AGAP1: variants seen among roughly 807,000 people sequenced by gnomAD.
The protein encoded by AGAP1 is ArfGAP with GTPase domain, ankyrin repeat and PH domain 1, also known as arf-GAP with GTPase, ANK repeat and PH domain-containing protein 1.
A neutral mutation model predicts 105.3 loss-of-function variants in AGAP1; 29 were observed. That is an observed-to-expected ratio of 0.28 (90% CI 0.21 to 0.38). AGAP1 has a LOEUF of 0.38. AGAP1 is among the 10% of genes least tolerant of loss of function. The pLI is 1.00. For synonymous variants in AGAP1, 509 were observed against 485.9 expected (o/e 1.05, Z -0.63); for missense variants, 998 against 1,165.1 (o/e 0.86, Z 2.09).
intron 12 of AGAP1, among the ~76,000 whole-genome samples, chr2:235,932,198 G>A (rs2052757863): frequency 1.3e-5 from 2 of 152,216 alleles, no homozygotes; most frequent in Admixed American, 1.3e-4. Flanking sequence ...CCCTGTGTGT[G>A]CTGCAGCTGA....
chr2:236,008,833 C>T (rs1425772210), intron 13 of AGAP1, among the ~76,000 whole-genome samples: 1 of 152,178 alleles, frequency 6.6e-6, no homozygotes, highest in Non-Finnish European at 1.5e-5. Flanking sequence ...TGTTGGAAAC[C>T]AGATTAAAAT....
chr2:235,557,912 A>G lies in AGAP1; in HGVS notation c.163+63063A>G, dbSNP rs1460736867. On this transcript the variant is annotated intron_variant, in intron 1 of 17. Transcript: ENST00000304032. This position sits in a 1 kb window ranked among gnomAD's most constrained non-coding sequence, Gnocchi z 4.7. Reference sequence around the variant, plus strand: ...TTGGTGCTTTCTTGAGCCCTGCGCCATGTGAGTGAGGTTTTGTGGTCCTGG... The same window carrying G: ...TTGGTGCTTTCTTGAGCCCTGCGCCGTGTGAGTGAGGTTTTGTGGTCCTGG... Among the ~76,000 whole-genome samples the G allele has an allele frequency of 6.6e-6, 1 of 152,202 alleles. No individual in the cohort carries two copies. The highest frequency in any genetic ancestry group is 2.4e-5 in the African/African-American group (1 of 41,454).
At chr2:235,941,671 A>G (rs900520130) in intron 12 of AGAP1, among the ~76,000 whole-genome samples, 15 of 152,342 alleles carry the variant, frequency 9.8e-5, no homozygotes, top group Middle Eastern at 3.4e-3. Flanking sequence ...TGACAAATAT[A>G]TAACTAGCGC....
chr2:235,803,029 T>TGA (rs1957632535), intron 8 of AGAP1, among the ~76,000 whole-genome samples: 1 of 9,634 alleles, frequency 1.0e-4, no homozygotes, highest in African/African-American at 2.3e-4. Context: ...GTGGTGATGG[T>TGA]TGTGATGGTG....
rs951004731 is a variant in AGAP1 at position 236,027,804 on chromosome 2, A to G, written c.1646-8757A>G. On this transcript the variant is annotated intron_variant, in intron 13 of 17. Transcript: ENST00000304032. This position sits in a 1 kb window ranked among gnomAD's most constrained non-coding sequence, Gnocchi z 4.4. ...CACTACATGGTGAACTGCTACTCAC[A>G]GGGAAAAGCGTGGCGTTTAGACCTG... 1.3e-5 allele frequency among the ~76,000 whole-genome samples: 2 copies of G among 152,096 alleles called. No homozygotes were observed. The highest frequency in any genetic ancestry group is 2.9e-5 in the Non-Finnish European group (2 of 68,010).
At chr2:235,676,879 C>T (rs193195871) in intron 1 of AGAP1, among the ~76,000 whole-genome samples, 2 of 152,344 alleles carry the variant, frequency 1.3e-5, no homozygotes, top group East Asian at 1.9e-4. Flanking sequence ...CAGCTGCACT[C>T]ATGTCGCCAG....
chr2:236,052,424 C>T (rs2057929053), intron 16 of AGAP1, among the ~76,000 whole-genome samples: 1 of 152,152 alleles, frequency 6.6e-6, no homozygotes, highest in South Asian at 2.1e-4. Context: ...ATTCGTGCGG[C>T]CAGTTAGGAC....
intron 9 of AGAP1, among the ~76,000 whole-genome samples, chr2:235,831,198 A>AAAAC (rs1553643967): frequency 2.6e-5 from 4 of 151,918 alleles, no homozygotes; most frequent in African/African-American, 9.7e-5. Context: ...AAAAAAAAAA[A>AAAAC]AAAACAGTAA....
chr2:235,814,709 G>A (rs71423693), intron 9 of AGAP1, among the ~76,000 whole-genome samples: 1 of 152,126 alleles, frequency 6.6e-6, no homozygotes, highest in African/African-American at 2.4e-5. Context: ...CAGGGAAATG[G>A]AGGTGGGGAC....
chr2:236,122,743 C>T (rs2059930373), intron 17 of AGAP1, among the ~76,000 whole-genome samples: 1 of 137,544 alleles, frequency 7.3e-6, no homozygotes, highest in Non-Finnish European at 1.5e-5. Context: ...AGTGCAGTGG[C>T]ACGATCTCGG....
chr2:235,669,569 T>A (rs990561351), intron 1 of AGAP1: 2 of 147,236 alleles, frequency 1.4e-5, no homozygotes, highest in East Asian at 4.0e-4. Context: ...CGCGGTCCCT[T>A]GCACGTCGGC....
Position 235,998,632 on chromosome 2 carries a change from A to G in AGAP1, c.1645+30009A>G, listed in dbSNP as rs150810298. ...GTACCTGGCTCAGCAAAAGTTAGGGATGGTGACGGTGATGATGGTGAGAGG... is the reference window on the plus strand; with the variant it reads ...GTACCTGGCTCAGCAAAAGTTAGGGGTGGTGACGGTGATGATGGTGAGAGG... On this transcript the variant is annotated intron_variant, in intron 13 of 17. Coordinates refer to ENST00000304032, the MANE Select transcript of AGAP1 (RefSeq NM_001037131.3). 1.7e-3 allele frequency among the ~76,000 whole-genome samples: 245 copies of G among 146,102 alleles called. 1 individual carries two copies. Among genetic ancestry groups the G allele is most frequent in the African/African-American group, 5.8e-3 (239 of 41,160 alleles).
chr2:235,817,418 A>G (rs542005108), intron 9 of AGAP1, among the ~76,000 whole-genome samples: 2 of 152,080 alleles, frequency 1.3e-5, no homozygotes, highest in Non-Finnish European at 2.9e-5. Context: ...TTTATCAGAT[A>G]GTTTTGAGTA....
Position 235,690,956 on chromosome 2 carries a change from G to A in AGAP1, c.164-18223G>A, listed in dbSNP as rs1024006339. Among the ~76,000 whole-genome samples, 8 of 152,126 alleles carry A rather than the reference G, an allele frequency of 5.3e-5. No individual in the cohort carries two copies. The highest frequency in any genetic ancestry group is 2.1e-4 in the South Asian group (1 of 4,822). ...GATTCGTGGCTGCTATTTTAGATAT[G>A]CCAGGAGCCTTCTTGGAAGTCGCTC... On this transcript the variant is annotated intron_variant, in intron 1 of 17. Transcript: ENST00000304032. The surrounding 1 kb of genome is among the most constrained non-coding windows in gnomAD (Gnocchi z 4.1).
chr2:236,029,747 T>G (rs1447704527), intron 13 of AGAP1, among the ~76,000 whole-genome samples: 1 of 152,134 alleles, frequency 6.6e-6, no homozygotes, highest in Non-Finnish European at 1.5e-5. Flanking sequence ...TGCTCTTTTC[T>G]GTTTTTTCTT....
rs1439356216 is a variant in AGAP1 at position 235,721,716 on chromosome 2, C to G, written c.310+4072C>G. Among the ~76,000 whole-genome samples, 2 of 152,130 alleles carry G rather than the reference C, an allele frequency of 1.3e-5. No individual in the cohort carries two copies. Among genetic ancestry groups the G allele is most frequent in the African/African-American group, 4.8e-5 (2 of 41,424 alleles). On this transcript the variant is annotated intron_variant, in intron 3 of 17. Coordinates refer to ENST00000304032, the MANE Select transcript of AGAP1 (RefSeq NM_001037131.3). The surrounding 1 kb of genome is among the most constrained non-coding windows in gnomAD (Gnocchi z 4.5). The stretch of plus-strand genomic sequence containing the variant: ...CTGATTTAATTAGTGTGTGCATATC[C>G]TTTATATTCTAATCCTGACCCATGG...
rs968902270 is a variant in AGAP1, at chr2:236,083,060, C to G, written c.2114+33779C>G. ...ATCCCAGCTACTTAGGAGGCTGAGGCAGGAGAATCACTTGAACCTGGGAGG... is the reference window on the plus strand; with the variant it reads ...ATCCCAGCTACTTAGGAGGCTGAGGGAGGAGAATCACTTGAACCTGGGAGG... On this transcript the variant is annotated intron_variant, in intron 16 of 17. Transcript: ENST00000304032. This position sits in a 1 kb window ranked among gnomAD's most constrained non-coding sequence, Gnocchi z 5.3. Among the ~76,000 whole-genome samples, 7 of 152,058 alleles carry G rather than the reference C, an allele frequency of 4.6e-5. No homozygotes were observed. Among genetic ancestry groups the G allele is most frequent in the Non-Finnish European group, 7.4e-5 (5 of 68,020 alleles).
rs1244194200 is a variant in AGAP1, at chr2:236,101,099, G to GA, written c.2115-19087dup. The stretch of plus-strand genomic sequence containing the variant: ...GCATGTTTCCATGTTTTCATATTTT[G>GA]AAAAAAGTCAAAATCCAAATTGATT... On this transcript the variant is annotated intron_variant, in intron 16 of 17. Coordinates refer to ENST00000304032, the MANE Select transcript of AGAP1 (RefSeq NM_001037131.3). The surrounding 1 kb of genome is among the most constrained non-coding windows in gnomAD (Gnocchi z 4.9). Among the ~76,000 whole-genome samples the GA allele has an allele frequency of 6.6e-6, 1 of 151,974 alleles. No homozygotes were observed. The highest frequency in any genetic ancestry group is 1.5e-5 in the Non-Finnish European group (1 of 67,996).
At chr2:235,805,306 G>A (rs1162467164) in intron 8 of AGAP1, among the ~76,000 whole-genome samples, 1 of 152,168 alleles carries the variant, frequency 6.6e-6, no homozygotes, top group African/African-American at 2.4e-5. Context: ...GTTCTAAGGT[G>A]TTTACAGCAG....
Sources: allele counts gnomAD v4.1 joint callset (sites outside exome capture counted in the v4.1 genomes callset), GRCh38; gene constraint gnomAD v4.1.1; non-coding constraint Gnocchi (gnomAD v3.1); transcripts MANE v1.5; gene names NCBI Gene and HGNC (gene_info 2026-07-23, HGNC 2026-07-21).